EPS15: variants seen among roughly 807,000 people sequenced by gnomAD.
EPS15 encodes the protein epidermal growth factor receptor pathway substrate 15, also known as epidermal growth factor receptor substrate 15.
A neutral mutation model predicts 113.8 loss-of-function variants in EPS15; 72 were observed. The ratio of observed to expected loss-of-function variants is 0.63; its 90% CI spans 0.52 to 0.77. EPS15 has a LOEUF of 0.77. EPS15 is among the 30% of genes least tolerant of loss of function. The pLI is 0.00. For synonymous variants in EPS15, 344 were observed against 363.4 expected (o/e 0.95, Z 0.61); for missense variants, 1,048 against 1,045.8 (o/e 1.00, Z -0.03).
chr1:51,433,066 T>G (rs1490323530), intron 12 of EPS15, among the ~76,000 whole-genome samples: 1 of 152,196 alleles, frequency 6.6e-6, no homozygotes, highest in African/African-American at 2.4e-5. Context: ...ATAGAATTTT[T>G]AAAAATTTGA....
At chr1:51,388,966 T>G (rs1325125199) in intron 21 of EPS15, among the ~76,000 whole-genome samples, 8 of 152,332 alleles carry the variant, frequency 5.3e-5, no homozygotes, top group East Asian at 1.9e-4. Flanking sequence ...TAACTCATTT[T>G]ATGAGGCCAG....
At position 51,357,426 on chromosome 1, in the gene EPS15, A is replaced by ATTTT. The variant is rs570842498; in HGVS notation, c.2545-584_2545-581dup. ...TATATATATATATATATATATATAT[A>ATTTT]TTTTTTTTTTTTAAATGTGATATAT... On this transcript the variant is annotated intron_variant, in intron 24 of 24. Coordinates refer to ENST00000371733, the MANE Select transcript of EPS15 (RefSeq NM_001981.3). Among the ~76,000 whole-genome samples, 144 of 53,508 alleles carry ATTTT rather than the reference A, an allele frequency of 2.7e-3. 4 individuals carry two copies. Among genetic ancestry groups the ATTTT allele is most frequent in the South Asian group, 7.4e-3 (8 of 1,086 alleles). The allele number at this position is 53,508 out of a possible 152,430, so 35.1% of individuals were successfully genotyped here.
At chr1:51,518,640 G>A (rs1054199042) in intron 1 of EPS15, among the ~76,000 whole-genome samples, 1 of 152,224 alleles carries the variant, frequency 6.6e-6, no homozygotes, top group Non-Finnish European at 1.5e-5. Context: ...TCTGGGAAGG[G>A]AGGGCTTCCG....
intron 14 of EPS15, 124 bp from the exon 15 acceptor site, chr1:51,408,456 G>T: frequency 1.5e-6 from 1 of 674,188 alleles, no homozygotes; most frequent in Non-Finnish European, 2.5e-6. Flanking sequence ...GACAGCAATA[G>T]CAAATAATTT....
intron 5 of EPS15, among the ~76,000 whole-genome samples, chr1:51,468,040 C>T (rs2148507569): frequency 6.6e-6 from 1 of 152,208 alleles, no homozygotes; most frequent in South Asian, 2.1e-4. Context: ...CTCATTGCAG[C>T]CTTGAGCTCC....
At chr1:51,483,915 A>C (rs1644071689) in intron 1 of EPS15, among the ~76,000 whole-genome samples, 1 of 152,116 alleles carries the variant, frequency 6.6e-6, no homozygotes, top group African/African-American at 2.4e-5. Flanking sequence ...GTTTGAGATC[A>C]GCCTGGGCAA....
rs76404991 is a variant in EPS15, at chr1:51,416,141, G to A, written c.1113+5645C>T. 6.4e-4 allele frequency among the ~76,000 whole-genome samples: 98 copies of A among 152,164 alleles called. 1 individual carries two copies. The East Asian group carries it at 0.012, about 19-fold the overall frequency. On this transcript the variant is annotated intron_variant, in intron 13 of 24. Transcript: ENST00000371733. ...CATGCCCTTAACTAGAGCAGTGGAA[G>A]GTTCTCCTAACAAACAGTGTCTTCT...
chr1:51,516,952 T>C (rs904218243), intron 1 of EPS15, among the ~76,000 whole-genome samples: 3 of 152,130 alleles, frequency 2.0e-5, no homozygotes, highest in Admixed American at 6.6e-5. Context: ...TCTAAATGTG[T>C]GTGCTGGGAG....
At chr1:51,411,264 GC>G (rs1649696545) in intron 13 of EPS15, among the ~76,000 whole-genome samples, 1 of 152,076 alleles carries the variant, frequency 6.6e-6, no homozygotes, top group Admixed American at 6.6e-5. Context: ...TAAAGCCCAG[GC>G]AGAGCAGGCA....
At chr1:51,414,684 C>G (rs888563379) in intron 13 of EPS15, among the ~76,000 whole-genome samples, 3 of 152,130 alleles carry the variant, frequency 2.0e-5, no homozygotes, top group Non-Finnish European at 4.4e-5. Flanking sequence ...TTATCTACTT[C>G]ATGTCTCTAA....
At chr1:51,389,357 A>G (rs1647193242) in intron 21 of EPS15, among the ~76,000 whole-genome samples, 1 of 152,166 alleles carries the variant, frequency 6.6e-6, no homozygotes, top group African/African-American at 2.4e-5. Flanking sequence ...CCCACAGCCA[A>G]TATCATACTG....
At chr1:51,441,466 A>G (rs1388898051) in intron 11 of EPS15, among the ~76,000 whole-genome samples, 3 of 152,092 alleles carry the variant, frequency 2.0e-5, no homozygotes, top group African/African-American at 4.8e-5. Context: ...TACCATCTGG[A>G]AATGTTAAAA....
chr1:51,386,828 C>G (rs1030634941), intron 21 of EPS15, among the ~76,000 whole-genome samples: 4 of 152,058 alleles, frequency 2.6e-5, no homozygotes, highest in Admixed American at 2.6e-4. Flanking sequence ...GTGAAAAGAC[C>G]AAATCTACAT....
At chr1:51,400,988 C>T (rs1648491862) in intron 18 of EPS15, 35 bp from the exon 19 acceptor site, 1 of 1,456,652 alleles carries the variant, frequency 6.9e-7, no homozygotes, top group Non-Finnish European at 9.4e-7. Flanking sequence ...ATCCAAATAA[C>T]AATATTTACT....
At chr1:51,498,413 C>T (rs1378037565) in intron 1 of EPS15, among the ~76,000 whole-genome samples, 2 of 152,148 alleles carry the variant, frequency 1.3e-5, no homozygotes, top group African/African-American at 2.4e-5. Context: ...AACCATACTT[C>T]GAGTACCCAT....
At chr1:51,359,908 CT>C (rs112942070) in intron 24 of EPS15, among the ~76,000 whole-genome samples, 73 of 146,228 alleles carry the variant, frequency 5.0e-4, no homozygotes, top group Middle Eastern at 3.5e-3. Flanking sequence ...CATGCAGATT[CT>C]TTTTTTTTTT....
intron 1 of EPS15, among the ~76,000 whole-genome samples, chr1:51,512,586 G>C (rs79432665): frequency 0.032 from 4,821 of 151,810 alleles, 123 homozygotes; most frequent in Non-Finnish European, 0.05. Flanking sequence ...CAGTGAGAAA[G>C]AAGACAAACA....
intron 21 of EPS15, among the ~76,000 whole-genome samples, chr1:51,393,982 G>A (rs1451897176): frequency 3.9e-5 from 6 of 152,150 alleles, no homozygotes; most frequent in Admixed American, 3.9e-4. Context: ...GCTTTTCTCT[G>A]TATTATTAAC....
chr1:51,445,033 G>T lies in EPS15; in HGVS notation c.810C>A (p.Asp270Glu). The T allele has an allele frequency of 6.2e-7, 1 of 1,613,570 alleles. No individual in the cohort carries two copies. The highest frequency in any genetic ancestry group is 8.5e-7 in the Non-Finnish European group (1 of 1,179,718). The change falls in exon 11 of 25, where the codon GAC becomes GAA. Residue 270 changes from aspartate (D) to glutamate (E), a missense_variant. Coordinates refer to ENST00000371733, the MANE Select transcript of EPS15 (RefSeq NM_001981.3). ...TTGAAAGCTTCCCACAGTCCTTTGT[G>T]TCGCATAATGACCTGCACAAATAAA... ...TLLAHIWSLC[D>E]TKDCGKLSKD...
Sources: allele counts gnomAD v4.1 joint callset (sites outside exome capture counted in the v4.1 genomes callset), GRCh38; gene constraint gnomAD v4.1.1; transcripts MANE v1.5; gene names NCBI Gene and HGNC (gene_info 2026-07-23, HGNC 2026-07-21).